The following HERC1 variants were observed in gnomAD, a reference collection of about 807,000 sequenced individuals.
HERC1 encodes the protein probable E3 ubiquitin-protein ligase HERC1.
HERC1 carries 160 observed loss-of-function variants against 554.3 expected under a neutral mutation model. The ratio of observed to expected loss-of-function variants is 0.29; its 90% confidence interval spans 0.25 to 0.33. HERC1 has a LOEUF of 0.33. Among genes scored for constraint, HERC1 ranks in the 10% least tolerant of loss-of-function variants. The pLI is 1.00. For synonymous variants in HERC1, 2,175 were observed against 2,131.7 expected (o/e 1.02, Z -0.56); for missense variants, 4,919 against 5,918.5 (o/e 0.83, Z 5.54).
intron 2 of HERC1, among the ~76,000 whole-genome samples, chr15:63,771,598 A>T (rs2075959151): frequency 6.6e-6 from 1 of 151,504 alleles, no homozygotes; most frequent in Non-Finnish European, 1.5e-5. Flanking sequence ...TGCCTGGCTA[A>T]TTTTTTTATT....
Position 63,729,477 on chromosome 15 carries a change from A to G in HERC1, c.3021+20T>C, listed in dbSNP as rs746860839. The stretch of plus-strand genomic sequence containing the variant: ...TCAAGGTCCCTGATAGATCACCATA[A>G]AAGACAAATAATCGCATACCTCACT... On this transcript the variant is annotated intron_variant, in intron 15 of 77. Transcript: ENST00000443617. 3 of 1,609,492 alleles carry G rather than the reference A, an allele frequency of 1.9e-6. No homozygotes were observed. In the South Asian group the frequency reaches 3.3e-5, roughly 18 times the overall value.
chr15:63,655,703 C>T (rs752996562), intron 50 of HERC1, 39 bp downstream of exon 50: 17 of 1,311,232 alleles, frequency 1.3e-5, no homozygotes, highest in East Asian at 7.6e-5. Flanking sequence ...AATAAGAAGT[C>T]GATTAGAAGA....
intron 76 of HERC1, among the ~76,000 whole-genome samples, chr15:63,614,720 T>G (rs1156430562): frequency 6.6e-6 from 1 of 152,202 alleles, no homozygotes; most frequent in East Asian, 1.9e-4. Flanking sequence ...AAAAGAACCA[T>G]TTTTGGACAC....
At chr15:63,609,787 A>C (rs2067510415) in intron 77 of HERC1, among the ~76,000 whole-genome samples, 1 of 152,212 alleles carries the variant, frequency 6.6e-6, no homozygotes, top group African/African-American at 2.4e-5. Context: ...TGCCTCGCAC[A>C]GCTCACATAA....
intron 3 of HERC1, among the ~76,000 whole-genome samples, chr15:63,759,320 A>T (rs2075532607): frequency 6.6e-6 from 1 of 152,176 alleles, no homozygotes; most frequent in South Asian, 2.1e-4. Context: ...GAATATATAA[A>T]ATAAAAATCA....
chr15:63,633,123 C>A (rs2068633388), intron 67 of HERC1, among the ~76,000 whole-genome samples: 1 of 152,228 alleles, frequency 6.6e-6, no homozygotes, highest in Non-Finnish European at 1.5e-5. Context: ...CACTAGAAGA[C>A]CATGTTAGTT....
chr15:63,718,866 T>A lies in HERC1; in HGVS notation c.3774A>T (p.Ser1258=). Residue 1258 remains serine, a synonymous_variant, in exon 20 of 78, where the codon TCA becomes TCT. Coordinates refer to ENST00000443617, the MANE Select transcript of HERC1 (RefSeq NM_003922.4). The surrounding 1 kb of genome is among the most constrained non-coding windows in gnomAD (Gnocchi z 4.2). ...CAAATCTAGACACAGTGTCCAAGAG[T>A]GACTCATTACTTAAAGTTGCACTGT... The part of the protein sequence containing the change: ...DWDSATLSNE[S]LLDTVSRFVL... 1 of 1,610,630 alleles carries A rather than the reference T, an allele frequency of 6.2e-7. No homozygotes were observed. Among genetic ancestry groups the A allele is most frequent in the Non-Finnish European group, 8.5e-7 (1 of 1,177,476 alleles).
intron 3 of HERC1, among the ~76,000 whole-genome samples, 181 bp downstream of exon 3, chr15:63,763,915 G>A (rs916309188): frequency 1.3e-5 from 2 of 151,884 alleles, no homozygotes; most frequent in African/African-American, 4.8e-5. Context: ...ACATTGAAAA[G>A]AATGTCTCCT....
chr15:63,672,446 T>G, intron 39 of HERC1, 50 bp downstream of exon 39: 1 of 1,363,498 alleles, frequency 7.3e-7, no homozygotes, highest in Non-Finnish European at 1.0e-6. Context: ...AACTGTGCCT[T>G]CAGAAACACA....
intron 12 of HERC1, among the ~76,000 whole-genome samples, chr15:63,737,734 T>C (rs2074610768): frequency 6.6e-6 from 1 of 151,468 alleles, no homozygotes; most frequent in South Asian, 2.1e-4. Flanking sequence ...GTTCATATCA[T>C]TTTGAAATGT....
Position 63,612,622 on chromosome 15 carries a change from T to G in HERC1, c.14095-66A>C, listed in dbSNP as rs2067649623. 6.6e-7 allele frequency: 1 copy of G among 1,518,820 alleles called. No individual in the cohort carries two copies. Among genetic ancestry groups the G allele is most frequent in the Admixed American group, 1.8e-5 (1 of 55,868 alleles). The allele number at this position is 1,518,820 out of a possible 1,614,324, so 94.1% of individuals were successfully genotyped here. Reference sequence around the variant, plus strand: ...AACCTGGCACCCACCAAGGGCCCTGTGGGGCTAGGCGCCTCCTGATGCCTG... The same window carrying G: ...AACCTGGCACCCACCAAGGGCCCTGGGGGGCTAGGCGCCTCCTGATGCCTG... On this transcript the variant is annotated intron_variant, in intron 76 of 77. Transcript: ENST00000443617. The surrounding 1 kb of genome is among the most constrained non-coding windows in gnomAD (Gnocchi z 5.0).
At chr15:63,820,409 A>T (rs1430928499) in intron 1 of HERC1, among the ~76,000 whole-genome samples, 1 of 152,228 alleles carries the variant, frequency 6.6e-6, no homozygotes, top group Non-Finnish European at 1.5e-5. Flanking sequence ...CATAAAAAAG[A>T]TAACGGCCCA....
At chr15:63,832,247 T>G (rs965123558) in intron 1 of HERC1, among the ~76,000 whole-genome samples, 1 of 152,194 alleles carries the variant, frequency 6.6e-6, no homozygotes, top group African/African-American at 2.4e-5. Flanking sequence ...CCAAGATATA[T>G]AAATGTGTAT....
At chr15:63,747,935 A>G in intron 10 of HERC1, 77 bp from the exon 11 acceptor site, 8 of 1,415,268 alleles carry the variant, frequency 5.7e-6, no homozygotes, top group Non-Finnish European at 7.6e-6. Context: ...GAAAATTAAA[A>G]CATATATTGG....
intron 45 of HERC1, among the ~76,000 whole-genome samples, 180 bp downstream of exon 45, chr15:63,661,573 C>T (rs1247490283): frequency 6.6e-6 from 1 of 152,116 alleles, no homozygotes; most frequent in African/African-American, 2.4e-5. Context: ...TGTTGCTATG[C>T]CATTATTCCT....
chr15:63,781,006 T>G, intron 1 of HERC1, among the ~76,000 whole-genome samples: 1 of 152,096 alleles, frequency 6.6e-6, no homozygotes, highest in Non-Finnish European at 1.5e-5. Context: ...TTTCAAAATG[T>G]TGAAGATAAA....
intron 5 of HERC1, among the ~76,000 whole-genome samples, chr15:63,755,577 G>C (rs190991166): frequency 6.6e-6 from 1 of 152,210 alleles, no homozygotes; most frequent in East Asian, 1.9e-4. Flanking sequence ...TCAGGAGTTC[G>C]AGTTCAGCCT....
rs756408399 is a variant in HERC1, at chr15:63,727,846, G to C, written c.3155-8C>G. On this transcript the variant is annotated splice_region_variant and splice_polypyrimidine_tract_variant and intron_variant, in intron 16 of 77. Coordinates refer to ENST00000443617, the MANE Select transcript of HERC1 (RefSeq NM_003922.4). The surrounding 1 kb of genome is among the most constrained non-coding windows in gnomAD (Gnocchi z 4.3). ...CTGAGACGTATATCACATCTATGAA[G>C]GGCAAGAAATTAAACATGGGACAAT... The C allele has an allele frequency of 2.5e-6, 4 of 1,605,410 alleles. No homozygotes were observed. Among genetic ancestry groups the C allele is most frequent in the Admixed American group, 3.4e-5 (2 of 58,594 alleles).
intron 52 of HERC1, among the ~76,000 whole-genome samples, chr15:63,651,623 T>C (rs1200085540): frequency 1.3e-5 from 2 of 152,236 alleles, no homozygotes; most frequent in Non-Finnish European, 2.9e-5. Context: ...AACTTGTCAA[T>C]AAAGACATTC....
Sources: allele counts gnomAD v4.1 joint callset (sites outside exome capture counted in the v4.1 genomes callset), GRCh38; gene constraint gnomAD v4.1.1; non-coding constraint Gnocchi (gnomAD v3.1); transcripts MANE v1.5; gene names NCBI Gene and HGNC (gene_info 2026-07-23, HGNC 2026-07-21).